The following DIAPH3 variants were observed in gnomAD, a reference collection of about 807,000 sequenced individuals.
The protein encoded by DIAPH3 is diaphanous related formin 3.
In DIAPH3, 117 loss-of-function variants were observed where a neutral mutation model predicts 144.3. The observed-to-expected ratio is 0.81, with a 90% confidence interval of 0.70 to 0.95. The LOEUF is 0.95. DIAPH3 is among the 40% of genes least tolerant of loss of function. The pLI is 0.00. For synonymous variants in DIAPH3, 519 were observed against 488.9 expected (o/e 1.06, Z -0.81); for missense variants, 1,421 against 1,412.7 (o/e 1.01, Z -0.09).
intron 1 of DIAPH3, among the ~76,000 whole-genome samples, chr13:60,136,127 C>T (rs769677292): frequency 6.6e-6 from 1 of 152,090 alleles, no homozygotes; most frequent in Non-Finnish European, 1.5e-5. Context: ...TCAGATAATT[C>T]TATGGGGTTT....
At chr13:59,809,069 A>G (rs2040332731) in intron 25 of DIAPH3, among the ~76,000 whole-genome samples, 1 of 152,354 alleles carries the variant, frequency 6.6e-6, no homozygotes, top group South Asian at 2.1e-4. Flanking sequence ...TTGCCCTATC[A>G]AGTTTCAATC....
intron 21 of DIAPH3, among the ~76,000 whole-genome samples, chr13:59,871,562 C>T (rs1206526340): frequency 6.6e-6 from 1 of 152,152 alleles, no homozygotes; most frequent in Non-Finnish European, 1.5e-5. Context: ...TCTTCTTTAG[C>T]TCATTGATGA....
At chr13:59,859,982 C>A (rs2043484996) in intron 22 of DIAPH3, among the ~76,000 whole-genome samples, 2 of 152,138 alleles carry the variant, frequency 1.3e-5, no homozygotes, top group South Asian at 4.1e-4. Flanking sequence ...CATTGGAACA[C>A]TAGGATTTAT....
At chr13:60,030,073 C>T (rs2054677439) in intron 5 of DIAPH3, among the ~76,000 whole-genome samples, 1 of 152,166 alleles carries the variant, frequency 6.6e-6, no homozygotes, top group Non-Finnish European at 1.5e-5. Context: ...TGTCAAACTC[C>T]ACCACCTCAG....
intron 18 of DIAPH3, among the ~76,000 whole-genome samples, chr13:59,921,830 T>A (rs948800357): frequency 2.6e-5 from 4 of 151,958 alleles, no homozygotes; most frequent in Non-Finnish European, 4.4e-5. Context: ...ACAAAATGAA[T>A]TCAATACATG....
At chr13:59,697,261 C>G (rs1002192479) in intron 27 of DIAPH3, among the ~76,000 whole-genome samples, 4 of 151,280 alleles carry the variant, frequency 2.6e-5, no homozygotes, top group Non-Finnish European at 2.9e-5. Flanking sequence ...AGATCGAGAC[C>G]ATCCTCGCTA....
intron 27 of DIAPH3, among the ~76,000 whole-genome samples, chr13:59,739,746 A>G (rs772477395): frequency 7.9e-5 from 12 of 152,284 alleles, no homozygotes; most frequent in Non-Finnish European, 1.3e-4. Flanking sequence ...ACAGCGCTAC[A>G]GAGACTCCTG....
At chr13:59,836,549 A>C (rs189371318) in intron 23 of DIAPH3, among the ~76,000 whole-genome samples, 1 of 151,936 alleles carries the variant, frequency 6.6e-6, no homozygotes, top group East Asian at 1.9e-4. Context: ...AATATTAAGC[A>C]GTATATGTAA....
chr13:60,010,382 G>A lies in DIAPH3; in HGVS notation c.908+151C>T, dbSNP rs1023181111. 6.7e-5 allele frequency: 49 copies of A among 730,290 alleles called. No individual in the cohort carries two copies. In the African/African-American group the frequency reaches 7.2e-4, roughly 11 times the overall value. 45.2% of individuals were successfully genotyped at this position (730,290 alleles called of 1,614,324 possible). A position where few individuals can be genotyped will look rare whatever the true frequency, so the allele number is the denominator to read the frequency against. On this transcript the variant is annotated intron_variant, in intron 8 of 27. Coordinates refer to ENST00000400324, the MANE Select transcript of DIAPH3 (RefSeq NM_001042517.2). ...AGAAATAATTACTCAAAAATTTCCA[G>A]CCAATAAGAAACTATATTAGCTGCT...
intron 21 of DIAPH3, among the ~76,000 whole-genome samples, chr13:59,864,683 C>A (rs770802244): frequency 5.9e-5 from 9 of 151,982 alleles, no homozygotes; most frequent in Non-Finnish European, 1.3e-4. Flanking sequence ...TTTGTAGCAA[C>A]TTAGTTTAAT....
intron 27 of DIAPH3, among the ~76,000 whole-genome samples, chr13:59,667,807 G>A (rs2032108716): frequency 6.6e-6 from 1 of 152,130 alleles, no homozygotes; most frequent in African/African-American, 2.4e-5. Flanking sequence ...AAGTTTTTTG[G>A]TTATTCTCTG....
At chr13:59,839,636 C>T (rs2042233095) in intron 22 of DIAPH3, among the ~76,000 whole-genome samples, 188 bp from the exon 23 acceptor site, 1 of 152,056 alleles carries the variant, frequency 6.6e-6, no homozygotes, top group South Asian at 2.1e-4. Context: ...TTCAGTAAGA[C>T]AGTCTTTAAA....
intron 27 of DIAPH3, among the ~76,000 whole-genome samples, chr13:59,745,349 T>C (rs1437838504): frequency 3.3e-5 from 5 of 152,202 alleles, no homozygotes; most frequent in African/African-American, 1.2e-4. Flanking sequence ...TTTCTTCTGG[T>C]ATATCTGGAG....
At chr13:59,845,030 A>T in intron 22 of DIAPH3, among the ~76,000 whole-genome samples, 1 of 133,916 alleles carries the variant, frequency 7.5e-6, no homozygotes, top group South Asian at 2.7e-4. Context: ...TTTTTGAGAC[A>T]CCATTTTTTT....
intron 27 of DIAPH3, among the ~76,000 whole-genome samples, chr13:59,673,402 T>C (rs1253251465): frequency 6.6e-6 from 1 of 152,198 alleles, no homozygotes; most frequent in Non-Finnish European, 1.5e-5. Flanking sequence ...ATTTGCAACA[T>C]TTTGGAATGT....
chr13:60,163,759 C>G lies in DIAPH3; in HGVS notation c.8G>C (p.Arg3Pro). The change falls in exon 1 of 28, where the codon CGG becomes CCG. Residue 3 changes from arginine (R) to proline (P), a missense_variant. By Grantham distance (103) the Arg-to-Pro change is moderately radical (BLOSUM62 -2). Transcript: ENST00000400324. ...CGGGTGGTGCAGCCGCGGCTGGTGC[C>G]GTTCCATCTTTCCCCGCAGCTCCGG... ME[R>P]HQPRLHHPAQ... The G allele has an allele frequency of 3.2e-6, 5 of 1,587,084 alleles. No individual in the cohort carries two copies. Among genetic ancestry groups the G allele is most frequent in the Non-Finnish European group, 3.4e-6 (4 of 1,167,994 alleles).
chr13:59,982,333 T>C (rs2051071199), intron 13 of DIAPH3, among the ~76,000 whole-genome samples: 1 of 151,488 alleles, frequency 6.6e-6, no homozygotes, highest in Admixed American at 6.6e-5. Context: ...ATACATTTTT[T>C]CAGATACTAT....
chr13:59,797,725 T>C (rs542595057), intron 25 of DIAPH3, among the ~76,000 whole-genome samples: 2 of 152,122 alleles, frequency 1.3e-5, no homozygotes, highest in African/African-American at 2.4e-5. Flanking sequence ...AAGGGGATAA[T>C]GGGACACATT....
intron 4 of DIAPH3, among the ~76,000 whole-genome samples, chr13:60,085,283 T>C (rs2057708812): frequency 6.6e-6 from 1 of 152,156 alleles, no homozygotes; most frequent in South Asian, 2.1e-4. Flanking sequence ...TTTGATGTTA[T>C]GCATATGGCA....
Sources: gnomAD v4.1 joint callset for allele counts (sites outside exome capture counted in the v4.1 genomes callset) on GRCh38, gnomAD v4.1.1 for gene constraint, MANE v1.5 for transcripts, NCBI Gene and HGNC (gene_info 2026-07-23, HGNC 2026-07-21) for gene names.